Variants in DIAPH2 observed in about 807,000 individuals in gnomAD.
DIAPH2 encodes diaphanous related formin 2.
DIAPH2 carries 35 observed loss-of-function variants against 92.7 expected under a neutral mutation model. The observed-to-expected ratio is 0.38, with a 90% CI of 0.29 to 0.50. DIAPH2 has a LOEUF of 0.50. DIAPH2 is among the 20% of genes least tolerant of loss of function. The pLI, the probability that DIAPH2 is intolerant of heterozygous loss-of-function variation, is 0.94. For synonymous variants in DIAPH2, 301 were observed against 280.4 expected, an observed-to-expected ratio of 1.07 and a Z score of -0.73; for missense variants, 701 against 819.5, an observed-to-expected ratio of 0.86 and a Z score of 1.77.
chrX:97,318,777 G>A (rs964696384), intron 23 of DIAPH2, among the ~76,000 whole-genome samples: 1 of 110,398 alleles, frequency 9.1e-6, no homozygotes. Context: ...GAGCCACCAC[G>A]CCCGGCCGAT....
At chrX:97,135,193 C>T (rs775184519) in intron 21 of DIAPH2, among the ~76,000 whole-genome samples, 17 of 107,274 alleles carry the variant, frequency 1.6e-4, no homozygotes, top group African/African-American at 5.0e-4. Flanking sequence ...AGTAGTTTTG[C>T]TTTGTTTTGT....
chrX:97,501,107 G>A (rs893160992), intron 26 of DIAPH2, among the ~76,000 whole-genome samples: 1 of 108,490 alleles, frequency 9.2e-6, no homozygotes, highest in Non-Finnish European at 1.9e-5. Flanking sequence ...AGTCCTTTTG[G>A]CAGCATTTAA....
At chrX:97,135,611 G>T (rs1309920191) in intron 21 of DIAPH2, among the ~76,000 whole-genome samples, 3 of 111,175 alleles carry the variant, frequency 2.7e-5, no homozygotes, top group Non-Finnish European at 5.7e-5. Context: ...CATCACCCAT[G>T]ACAGTTCAAT....
chrX:96,992,223 G>C (rs2066077333), intron 17 of DIAPH2, among the ~76,000 whole-genome samples: 1 of 110,971 alleles, frequency 9.0e-6, no homozygotes, highest in South Asian at 3.9e-4. Context: ...TAGAGGAGTT[G>C]GATCCATTTA....
chrX:97,262,152 T>C (rs2068294068), intron 23 of DIAPH2, among the ~76,000 whole-genome samples: 1 of 108,254 alleles, frequency 9.2e-6, no homozygotes, highest in Non-Finnish European at 1.9e-5. Context: ...TATTCTAGTG[T>C]TGTAGAGCAT....
chrX:96,695,242 C>T (rs1429112743), intron 1 of DIAPH2, among the ~76,000 whole-genome samples: 1 of 112,420 alleles, frequency 8.9e-6, no homozygotes, highest in Admixed American at 9.4e-5. Flanking sequence ...TGAGCCACAA[C>T]GCCTGGCGCT....
intron 22 of DIAPH2, among the ~76,000 whole-genome samples, chrX:97,146,561 C>CA (rs1414593760): frequency 9.0e-6 from 1 of 110,563 alleles, no homozygotes; most frequent in Non-Finnish European, 1.9e-5. Flanking sequence ...TTCCAGGCAT[C>CA]AACATTACTG....
chrX:97,471,690 CAAA>C lies in DIAPH2; in HGVS notation c.3241+41965_3241+41967del, dbSNP rs34891772. 1.3e-4 allele frequency among the ~76,000 whole-genome samples: 6 copies of C among 44,943 alleles called. No homozygotes were observed. The East Asian group carries it at 2.1e-3, about 16-fold the overall frequency. The allele number at this position is 44,943 out of a possible 115,157, so 39.0% of individuals were successfully genotyped here. On this transcript the variant is annotated intron_variant, in intron 26 of 26. Coordinates refer to ENST00000324765, the MANE Select transcript of DIAPH2 (RefSeq NM_006729.5). ...GGGCAACGAGAGTGAAAATCCGTCT[CAAA>C]AAAAAAAAAAAAAAAAAAAGGAAAG...
intron 17 of DIAPH2, among the ~76,000 whole-genome samples, chrX:97,028,777 A>G (rs1052889756): frequency 1.8e-5 from 2 of 111,831 alleles, no homozygotes; most frequent in African/African-American, 6.5e-5. Flanking sequence ...CTGTACAAGT[A>G]CTTGTTTGAA....
intron 1 of DIAPH2, among the ~76,000 whole-genome samples, chrX:96,730,596 A>G (rs1217087629): frequency 8.9e-6 from 1 of 112,133 alleles, no homozygotes; most frequent in Non-Finnish European, 1.9e-5. Context: ...CTCAAGGTCC[A>G]TTCTGACTTG....
intron 20 of DIAPH2, among the ~76,000 whole-genome samples, chrX:97,100,564 AT>A (rs1038268349): frequency 8.9e-6 from 1 of 111,765 alleles, no homozygotes; most frequent in African/African-American, 3.2e-5. Context: ...AGAAAAAGCT[AT>A]TTTTTACTTA....
chrX:96,823,338 A>C (rs2064790758), intron 4 of DIAPH2, among the ~76,000 whole-genome samples: 1 of 111,798 alleles, frequency 8.9e-6, no homozygotes, highest in Admixed American at 9.6e-5. Flanking sequence ...ATAAATGCCC[A>C]ATAATAAAGG....
At chrX:97,449,562 TG>T in intron 26 of DIAPH2, 1 of 322,647 alleles carries the variant, frequency 3.1e-6, no homozygotes, top group Non-Finnish European at 4.1e-6. Flanking sequence ...AAACTACCGA[TG>T]GTCATTCAAA....
chrX:97,274,006 G>GGTGTGTGTGT (rs55778849), intron 23 of DIAPH2, among the ~76,000 whole-genome samples: 33 of 86,733 alleles, frequency 3.8e-4, no homozygotes, highest in African/African-American at 1.1e-3. Flanking sequence ...TAAAACTAGC[G>GGTGTGTGTGT]GTGTGTGTGT....
intron 5 of DIAPH2, among the ~76,000 whole-genome samples, chrX:96,883,153 T>C (rs1416540025): frequency 9.1e-6 from 1 of 109,935 alleles, no homozygotes; most frequent in Non-Finnish European, 1.9e-5. Context: ...GCCTTGAAAA[T>C]AATTTAGAGC....
intron 5 of DIAPH2, among the ~76,000 whole-genome samples, chrX:96,888,215 C>T (rs2065277753): frequency 9.1e-6 from 1 of 109,502 alleles, no homozygotes; most frequent in African/African-American, 3.3e-5. Context: ...TGCCCGCCAC[C>T]ATGCCTGGCT....
In DIAPH2 at chrX:96,772,140, G is replaced by C. The variant is rs756243782; in HGVS notation, c.447+13882G>C. Among the ~76,000 whole-genome samples the C allele has an allele frequency of 4.5e-5, 5 of 111,620 alleles. No individual in the cohort carries two copies. The South Asian group carries it at 1.9e-3, about 42-fold the overall frequency. Reference sequence around the variant, plus strand: ...TTAGTTAATCAAGTTTCTTCTGTCTGTTTATCTGTTCGGAAAGGACTGTTT... The same window carrying C: ...TTAGTTAATCAAGTTTCTTCTGTCTCTTTATCTGTTCGGAAAGGACTGTTT... On this transcript the variant is annotated intron_variant, in intron 4 of 26. Coordinates refer to ENST00000324765, the MANE Select transcript of DIAPH2 (RefSeq NM_006729.5).
At chrX:97,236,695 C>T (rs2068050650) in intron 22 of DIAPH2, among the ~76,000 whole-genome samples, 1 of 109,263 alleles carries the variant, frequency 9.2e-6, no homozygotes, top group African/African-American at 3.3e-5. Context: ...CAGGTGCCCG[C>T]AACCACGCCC....
At chrX:97,357,974 C>T (rs1204616440) in intron 24 of DIAPH2, among the ~76,000 whole-genome samples, 3 of 111,738 alleles carry the variant, frequency 2.7e-5, no homozygotes, top group South Asian at 3.8e-4. Context: ...TGTTCTCCCC[C>T]ACCTCATTTG....
Sources: allele counts gnomAD v4.1 joint callset (sites outside exome capture counted in the v4.1 genomes callset), GRCh38; gene constraint gnomAD v4.1.1; transcripts MANE v1.5; gene names NCBI Gene and HGNC (gene_info 2026-07-23, HGNC 2026-07-21).